Variants in DLGAP1 observed in about 807,000 individuals in gnomAD.
DLGAP1 encodes disks large-associated protein 1.
In DLGAP1, 11 loss-of-function variants were observed where a neutral mutation model predicts 90.8. That is an observed-to-expected ratio of 0.12 (90% CI 0.08 to 0.20). DLGAP1 has a LOEUF of 0.20. Ranked by LOEUF, DLGAP1 falls within the 10% of genes least tolerant of loss-of-function variation. DLGAP1 has a pLI of 1.00. For synonymous variants in DLGAP1, 558 were observed against 540.7 expected, an observed-to-expected ratio of 1.03 and a Z score of -0.44; for missense variants, 1,050 against 1,333.8, an observed-to-expected ratio of 0.79 and a Z score of 3.31.
chr18:4,308,684 G>GT (rs756924246), intron 1 of DLGAP1, among the ~76,000 whole-genome samples: 1 of 152,174 alleles, frequency 6.6e-6, no homozygotes, highest in Non-Finnish European at 1.5e-5. Flanking sequence ...ACAAATAGTA[G>GT]TAGGTCTATG....
chr18:3,507,321 TAAAACAAAACAAAAC>T lies in DLGAP1; in HGVS notation c.2571+1234_2571+1248del, dbSNP rs71366673. ...TAACACCATGAAAACCCGTCTCTAC[TAAAACAAAACAAAAC>T]AAAACAAAACAAAACAAAACAAAAC... On this transcript the variant is annotated intron_variant, in intron 11 of 12. Coordinates refer to ENST00000315677, the MANE Select transcript of DLGAP1 (RefSeq NM_004746.4). Among the ~76,000 whole-genome samples the T allele has an allele frequency of 5.2e-3, 770 of 148,282 alleles. 7 individuals carry two copies. Among genetic ancestry groups the T allele is most frequent in the East Asian group, 0.033 (163 of 4,950 alleles).
chr18:4,201,302 G>T (rs1413076561), intron 1 of DLGAP1, among the ~76,000 whole-genome samples: 2 of 152,050 alleles, frequency 1.3e-5, no homozygotes, highest in Non-Finnish European at 2.9e-5. Flanking sequence ...TTTTGTATAT[G>T]TTGAGAAATA....
chr18:3,646,740 C>A (rs557264403), intron 7 of DLGAP1, among the ~76,000 whole-genome samples: 3 of 151,916 alleles, frequency 2.0e-5, no homozygotes, highest in Admixed American at 1.3e-4. Flanking sequence ...CTGGCTAACA[C>A]GGTGAAACCT....
intron 3 of DLGAP1, among the ~76,000 whole-genome samples, chr18:3,884,211 G>T (rs541314496): frequency 3.9e-5 from 6 of 152,294 alleles, no homozygotes; most frequent in African/African-American, 7.2e-5. Flanking sequence ...AACTAACTTA[G>T]ATGCAAAAAT....
intron 7 of DLGAP1, among the ~76,000 whole-genome samples, chr18:3,635,106 TAGTCAAG>T (rs1309423453): frequency 1.3e-5 from 2 of 151,582 alleles, no homozygotes; most frequent in African/African-American, 4.9e-5. Flanking sequence ...ATATACAAAC[TAGTCAAG>T]AGTCTGGTTG....
chr18:4,423,076 C>G (rs1198650686), intron 1 of DLGAP1, among the ~76,000 whole-genome samples: 1 of 152,090 alleles, frequency 6.6e-6, no homozygotes, highest in African/African-American at 2.4e-5. Flanking sequence ...TTATATACTA[C>G]TACTAGAAAG....
At chr18:4,054,805 C>T (rs992495851) in intron 2 of DLGAP1, among the ~76,000 whole-genome samples, 1 of 152,172 alleles carries the variant, frequency 6.6e-6, no homozygotes, top group African/African-American at 2.4e-5. Context: ...TTACATATTA[C>T]TCACTGAAAA....
chr18:3,523,576 G>C (rs544907803), intron 10 of DLGAP1, among the ~76,000 whole-genome samples: 8 of 151,436 alleles, frequency 5.3e-5, no homozygotes, highest in African/African-American at 1.7e-4. Context: ...GACCAGGTGC[G>C]GTGGCTCACG....
chr18:3,605,895 CTG>C (rs562677664), intron 7 of DLGAP1, among the ~76,000 whole-genome samples: 2 of 152,124 alleles, frequency 1.3e-5, no homozygotes, highest in Non-Finnish European at 2.9e-5. Flanking sequence ...ACCGAGGACA[CTG>C]AGTGCCACTA....
At chr18:3,865,674 C>G (rs1294572496) in intron 4 of DLGAP1, among the ~76,000 whole-genome samples, 1 of 152,200 alleles carries the variant, frequency 6.6e-6, no homozygotes, top group Non-Finnish European at 1.5e-5. Context: ...ATTGTGGAAT[C>G]AGACAGGCCA....
intron 7 of DLGAP1, among the ~76,000 whole-genome samples, chr18:3,651,972 C>CACA (rs916829706): frequency 2.3e-4 from 34 of 147,624 alleles, no homozygotes; most frequent in South Asian, 6.5e-4. Context: ...CTGTCTCAAA[C>CACA]ACAACAACAA....
At position 4,384,115 on chromosome 18, in the gene DLGAP1, G is replaced by A. The variant is rs1003225155; in HGVS notation, c.-267+70891C>T. Among the ~76,000 whole-genome samples, 17 of 152,188 alleles carry A rather than the reference G, an allele frequency of 1.1e-4. No homozygotes were observed. The South Asian group carries it at 3.1e-3, about 28-fold the overall frequency. ...ATTGAGTGCTAATGACAGAATTGAA[G>A]ATATTATTCAATATTCTATCTGATG... On this transcript the variant is annotated intron_variant, in intron 1 of 12. Coordinates refer to ENST00000315677, the MANE Select transcript of DLGAP1 (RefSeq NM_004746.4).
At chr18:4,079,947 T>C (rs2075581498) in intron 2 of DLGAP1, among the ~76,000 whole-genome samples, 2 of 152,116 alleles carry the variant, frequency 1.3e-5, no homozygotes, top group Admixed American at 1.3e-4. Context: ...CACTCATCTT[T>C]CATCTATTCC....
chr18:3,971,261 T>C (rs565127780), intron 3 of DLGAP1, among the ~76,000 whole-genome samples: 1 of 152,352 alleles, frequency 6.6e-6, no homozygotes, highest in South Asian at 2.1e-4. Context: ...TTCTATTATT[T>C]CTTTTCAGAG....
intron 1 of DLGAP1, among the ~76,000 whole-genome samples, chr18:4,241,408 T>C (rs562017891): frequency 6.6e-6 from 1 of 152,326 alleles, no homozygotes; most frequent in South Asian, 2.1e-4. Flanking sequence ...CTGTGAATTT[T>C]CATAGACTGC....
chr18:4,131,844 T>G (rs2076322475), intron 2 of DLGAP1, among the ~76,000 whole-genome samples: 1 of 152,190 alleles, frequency 6.6e-6, no homozygotes, highest in African/African-American at 2.4e-5. Context: ...AAAAGAACAT[T>G]GTCAAAGATC....
intron 1 of DLGAP1, among the ~76,000 whole-genome samples, chr18:4,161,250 G>A (rs984816160): frequency 6.6e-6 from 1 of 151,886 alleles, no homozygotes; most frequent in Non-Finnish European, 1.5e-5. Flanking sequence ...CTTTCCCCAG[G>A]ACAGACACCA....
chr18:4,011,449 G>T (rs2074419722), intron 2 of DLGAP1, among the ~76,000 whole-genome samples: 2 of 152,004 alleles, frequency 1.3e-5, no homozygotes, highest in Admixed American at 1.3e-4. Context: ...TACCTACAGG[G>T]GCAGCAATAA....
chr18:3,514,198 C>G (rs2143959350), intron 10 of DLGAP1, among the ~76,000 whole-genome samples: 1 of 152,054 alleles, frequency 6.6e-6, no homozygotes, highest in Admixed American at 6.6e-5. Context: ...CCTCCAACTC[C>G]CGAGTTCAAG....
Sources: allele counts gnomAD v4.1 joint callset (sites outside exome capture counted in the v4.1 genomes callset), GRCh38; gene constraint gnomAD v4.1.1; transcripts MANE v1.5; gene names NCBI Gene and HGNC (gene_info 2026-07-23, HGNC 2026-07-21).